FUT6: variants seen among roughly 807,000 people sequenced by gnomAD.
FUT6 encodes the protein fucosyltransferase 6.
For missense variants in FUT6, 454 were observed against 494.6 expected, an observed-to-expected ratio of 0.92 and a Z score of 0.78; for synonymous variants, 187 against 209.9, an observed-to-expected ratio of 0.89 and a Z score of 0.94.
In FUT6 at chr19:5,831,409, C is replaced by T. The variant is rs760861492; in HGVS notation, c.*79G>A. The T allele has an allele frequency of 4.1e-5, 66 of 1,612,884 alleles. No individual in the cohort carries two copies. Among genetic ancestry groups the T allele is most frequent in the Non-Finnish European group, 5.2e-5 (61 of 1,179,972 alleles). ...AGGTGAAGCTTCAGGCAAACGAGTC[C>T]TTAGGTAGATGAGGCCCCCACTCAG... On this transcript the variant is annotated 3_prime_UTR_variant, in exon 3 of 3. Coordinates refer to ENST00000318336, the MANE Select transcript of FUT6 (RefSeq NM_000150.4). The surrounding 1 kb of genome is among the most constrained non-coding windows in gnomAD (Gnocchi z 7.0).
At position 5,832,067 on chromosome 19, in the gene FUT6, G is replaced by A. The variant is rs762903807; in HGVS notation, c.501C>T (p.Pro167=). The change falls in exon 3 of 3, where the codon CCC becomes CCT. Residue 167 remains proline (P), a synonymous_variant. Coordinates refer to ENST00000318336, the MANE Select transcript of FUT6 (RefSeq NM_000150.4). The surrounding 1 kb of genome is among the most constrained non-coding windows in gnomAD (Gnocchi z 4.3). ...SYRSDSDIFT[P]YGWLEPWSGQ... is the part of the protein sequence containing the mutation. ...CGGACCACGGCTCCAGCCAGCCGTAGGGCGTGAAGATGTCGGAGTCGCTGC... is the reference window on the plus strand; with the variant it reads ...CGGACCACGGCTCCAGCCAGCCGTAAGGCGTGAAGATGTCGGAGTCGCTGC... 6.2e-7 allele frequency: 1 copy of A among 1,610,882 alleles called. No homozygotes were observed. Among genetic ancestry groups the A allele is most frequent in the Non-Finnish European group, 8.5e-7 (1 of 1,180,026 alleles).
At chr19:5,835,782 C>G (rs2057171081) in intron 1 of FUT6, among the ~76,000 whole-genome samples, 1 of 152,082 alleles carries the variant, frequency 6.6e-6, no homozygotes, top group Admixed American at 6.6e-5. Context: ...TCAACAAAAA[C>G]AAAGCAACTT....
intron 1 of FUT6, among the ~76,000 whole-genome samples, chr19:5,837,723 G>T (rs1364127978): frequency 2.6e-5 from 4 of 152,056 alleles, no homozygotes; most frequent in Admixed American, 2.6e-4. Flanking sequence ...CCAAGGTCGC[G>T]CCACTGCACT....
Position 5,831,374 on chromosome 19 carries a change from G to A in FUT6, c.*114C>T, listed in dbSNP as rs1309445463. On this transcript the variant is annotated 3_prime_UTR_variant, in exon 3 of 3. Transcript: ENST00000318336. This position sits in a 1 kb window ranked among gnomAD's most constrained non-coding sequence, Gnocchi z 7.0. The stretch of plus-strand genomic sequence containing the variant: ...ACAGGTGACCGTCCCAGGCAGGTGA[G>A]TCCTCAGGCAGGTGAAGCTTCAGGC... The A allele has an allele frequency of 6.2e-7, 1 of 1,610,314 alleles. No individual in the cohort carries two copies. The highest frequency in any genetic ancestry group is 8.5e-7 in the Non-Finnish European group (1 of 1,179,498).
rs755869327 is a variant in FUT6, at chr19:5,832,513, T to TGGTCAGACAGCAGCGC, written c.39_54dup (p.Thr19AlafsTer33). ...GCCATCAGCAGCTGAAACAGCAGCG[T>TGGTCAGACAGCAGCGC]GGTCAGACAGCAGCGCCACGACCAC... On this transcript the variant is annotated frameshift_variant, in exon 3 of 3. Transcript: ENST00000318336. LOFTEE classifies it low-confidence loss of function (END_TRUNC). This position sits in a 1 kb window ranked among gnomAD's most constrained non-coding sequence, Gnocchi z 4.3. The TGGTCAGACAGCAGCGC allele has an allele frequency of 3.7e-6, 6 of 1,613,626 alleles. No individual in the cohort carries two copies. The highest frequency in any genetic ancestry group is 1.6e-4 in the Middle Eastern group (1 of 6,062).
At chr19:5,837,321 A>T (rs1041955261) in intron 1 of FUT6, among the ~76,000 whole-genome samples, 8 of 151,688 alleles carry the variant, frequency 5.3e-5, no homozygotes, top group African/African-American at 9.7e-5. Context: ...TACAGGCATG[A>T]GTCACCACGC....
Position 5,832,286 on chromosome 19 carries a change from G to A in FUT6, c.282C>T (p.Ala94=), listed in dbSNP as rs774817446. The change falls in exon 3 of 3, where the codon GCC becomes GCT. Residue 94 remains alanine (A), a synonymous_variant. Coordinates refer to ENST00000318336, the MANE Select transcript of FUT6 (RefSeq NM_000150.4). The surrounding 1 kb of genome is among the most constrained non-coding windows in gnomAD (Gnocchi z 4.3). ...VPGTADCNIT[A]DRKVYPQADA... The stretch of plus-strand genomic sequence containing the variant: ...CTGCCTGTGGATACACCTTGCGGTC[G>A]GCAGTGATGTTGCAGTCAGCCGTGC... 6.8e-6 allele frequency: 11 copies of A among 1,614,026 alleles called. No individual in the cohort carries two copies. The highest frequency in any genetic ancestry group is 5.0e-5 in the Admixed American group (3 of 60,010).
rs2057217145 is a variant in FUT6, at chr19:5,838,848, A to AGGGCATCCTGTCCTGGAGCCC, written c.-333_-313dup. ...CACCACACCTGTCATCAGGTGACCC[A>AGGGCATCCTGTCCTGGAGCCC]GGGCATCCTGTCCTGGAGCCCGGAC... is the stretch of plus-strand genomic sequence containing the variant. On this transcript the variant is annotated 5_prime_UTR_variant, in exon 1 of 3. It adds an upstream start codon to the 5' untranslated region. Transcript: ENST00000318336. 6.6e-6 allele frequency: 1 copy of AGGGCATCCTGTCCTGGAGCCC among 152,228 alleles called. No homozygotes were observed. The highest frequency in any genetic ancestry group is 1.5e-5 in the Non-Finnish European group (1 of 68,076). The allele number at this position is 152,228 out of a possible 1,614,324, so 9.4% of individuals were successfully genotyped here. A position where few individuals can be genotyped will look rare whatever the true frequency, so the allele number is the denominator to read the frequency against.
In FUT6 at chr19:5,832,036, G is replaced by A. The variant is rs756394387; in HGVS notation, c.532C>T (p.Pro178Ser). Reference protein sequence around the residue: ...YGWLEPWSGQPAHPPLNLSAK... With the variant: ...YGWLEPWSGQSAHPPLNLSAK... ...GAGAGGTTGAGCGGTGGGTGGGCAG[G>A]CTGGCCGGACCACGGCTCCAGCCAG... The change falls in exon 3 of 3, where the codon CCT (proline) becomes TCT (serine). Residue 178 changes from proline to serine, a missense_variant. Pro to Ser is a moderately conservative substitution (Grantham distance 74). Transcript: ENST00000318336. The surrounding 1 kb of genome is among the most constrained non-coding windows in gnomAD (Gnocchi z 4.3). 6.2e-7 allele frequency: 1 copy of A among 1,613,654 alleles called. No homozygotes were observed. The highest frequency in any genetic ancestry group is 1.1e-5 in the South Asian group (1 of 91,086).
Position 5,831,618 on chromosome 19 carries a change from C to T in FUT6, c.950G>A (p.Ser317Asn). The change falls in exon 3 of 3, where the codon AGC becomes AAC. Residue 317 changes from serine to asparagine, a missense_variant. Ser to Asn is a conservative substitution (Grantham distance 46, BLOSUM62 1). Coordinates refer to ENST00000318336, the MANE Select transcript of FUT6 (RefSeq NM_000150.4). This position sits in a 1 kb window ranked among gnomAD's most constrained non-coding sequence, Gnocchi z 7.0. ...CAGCGTCTCCCGCCAGCGAAAGTAG[C>T]TCAGGTAGCGGGCGTGGTCCTTGTC... is the stretch of plus-strand genomic sequence containing the variant. ...ELDKDHARYL[S>N]YFRWRETLRP... The T allele has an allele frequency of 6.2e-7, 1 of 1,613,916 alleles. No homozygotes were observed. Among genetic ancestry groups the T allele is most frequent in the African/African-American group, 1.3e-5 (1 of 75,038 alleles).
In FUT6 at chr19:5,831,570, G is replaced by A. The variant is rs774495763; in HGVS notation, c.998C>T (p.Ala333Val). 22 of 1,614,038 alleles carry A rather than the reference G, an allele frequency of 1.4e-5. No individual in the cohort carries two copies. Among genetic ancestry groups the A allele is most frequent in the Admixed American group, 3.3e-5 (2 of 60,012 alleles). The part of the protein sequence containing the change: ...ETLRPRSFSW[A>V]LAFCKACWKL... The stretch of plus-strand genomic sequence containing the variant: ...CCAGCAGGCCTTGCAGAAAGCGAGT[G>A]CCCAGCTGAAGGAGCGAGGCCGCAG... The change falls in exon 3 of 3, where the codon GCA (alanine) becomes GTA (valine). Residue 333 changes from alanine (A) to valine (V), a missense_variant. Physicochemically the swap from Ala to Val is moderately conservative, Grantham distance 64. Coordinates refer to ENST00000318336, the MANE Select transcript of FUT6 (RefSeq NM_000150.4). This position sits in a 1 kb window ranked among gnomAD's most constrained non-coding sequence, Gnocchi z 7.0.
Position 5,831,610 on chromosome 19 carries a change from G to A in FUT6, c.958C>T (p.Arg320Cys), listed in dbSNP as rs267605640. 3.4e-5 allele frequency: 55 copies of A among 1,614,022 alleles called. No homozygotes were observed. Among genetic ancestry groups the A allele is most frequent in the Middle Eastern group, 1.7e-4 (1 of 5,988 alleles). Residue 320 changes from arginine (R) to cysteine (C), a missense_variant, in exon 3 of 3, where the codon CGC becomes TGC. Arg to Cys is a radical substitution (Grantham distance 180). Transcript: ENST00000318336. This position sits in a 1 kb window ranked among gnomAD's most constrained non-coding sequence, Gnocchi z 7.0. ...KDHARYLSYFRWRETLRPRSF... is the reference protein window; with the variant it reads ...KDHARYLSYFCWRETLRPRSF... The stretch of plus-strand genomic sequence containing the variant: ...CGAGGCCGCAGCGTCTCCCGCCAGC[G>A]AAAGTAGCTCAGGTAGCGGGCGTGG...
intron 1 of FUT6, chr19:5,838,330 G>A (rs1304370586): frequency 2.0e-5 from 3 of 152,216 alleles, no homozygotes; most frequent in African/African-American, 7.2e-5. Flanking sequence ...AAGGGGTGTA[G>A]GCTGCTGATG....
rs1262593867 is a variant in FUT6 at position 5,832,388 on chromosome 19, G to A, written c.180C>T (p.Ser60=). Residue 60 remains serine, a synonymous_variant, in exon 3 of 3, where the codon TCC becomes TCT. Transcript: ENST00000318336. This position sits in a 1 kb window ranked among gnomAD's most constrained non-coding sequence, Gnocchi z 4.3. ...FPDSTGTPAH[S]IPLILLWTWP... ...ACGTCCACAGCAGGATCAGGGGGATGGAGTGGGCGGGGGTCCCTGTGCTGT... is the reference window on the plus strand; with the variant it reads ...ACGTCCACAGCAGGATCAGGGGGATAGAGTGGGCGGGGGTCCCTGTGCTGT... 6.2e-7 allele frequency: 1 copy of A among 1,614,108 alleles called. No individual in the cohort carries two copies. Among genetic ancestry groups the A allele is most frequent in the Non-Finnish European group, 8.5e-7 (1 of 1,180,016 alleles).
At chr19:5,834,118 C>T (rs892594992) in intron 2 of FUT6, among the ~76,000 whole-genome samples, 4 of 149,360 alleles carry the variant, frequency 2.7e-5, no homozygotes, top group Non-Finnish European at 5.9e-5. Context: ...GGTGACAGAG[C>T]GAGACCCTGT....
At position 5,832,287 on chromosome 19, in the gene FUT6, G is replaced by A. The variant is rs144743691; in HGVS notation, c.281C>T (p.Ala94Val). ...TGCCTGTGGATACACCTTGCGGTCG[G>A]CAGTGATGTTGCAGTCAGCCGTGCC... ...VPGTADCNIT[A>V]DRKVYPQADA... is the part of the protein sequence containing the mutation. Residue 94 changes from alanine (A) to valine (V), a missense_variant, in exon 3 of 3, where the codon GCC becomes GTC. Coordinates refer to ENST00000318336, the MANE Select transcript of FUT6 (RefSeq NM_000150.4). This position sits in a 1 kb window ranked among gnomAD's most constrained non-coding sequence, Gnocchi z 4.3. 6.2e-7 allele frequency: 1 copy of A among 1,613,894 alleles called. No homozygotes were observed. The highest frequency in any genetic ancestry group is 1.3e-5 in the African/African-American group (1 of 74,870).
chr19:5,831,627 C>T lies in FUT6; in HGVS notation c.941G>A (p.Arg314His), dbSNP rs548742760. The change falls in exon 3 of 3, where the codon CGC (arginine) becomes CAC (histidine). Residue 314 changes from arginine (R) to histidine (H), a missense_variant. Coordinates refer to ENST00000318336, the MANE Select transcript of FUT6 (RefSeq NM_000150.4). The surrounding 1 kb of genome is among the most constrained non-coding windows in gnomAD (Gnocchi z 7.0). ...CCGCCAGCGAAAGTAGCTCAGGTAG[C>T]GGGCGTGGTCCTTGTCCAGCTCCTG... ...YLQELDKDHA[R>H]YLSYFRWRET... The T allele has an allele frequency of 2.3e-5, 37 of 1,613,620 alleles. 1 individual carries two copies. In the South Asian group the frequency reaches 3.0e-4, roughly 13 times the overall value.
chr19:5,836,849 T>C (rs909345872), intron 1 of FUT6, among the ~76,000 whole-genome samples: 1 of 72,294 alleles, frequency 1.4e-5, no homozygotes, highest in African/African-American at 5.2e-5. Flanking sequence ...TGTCTCAAAA[T>C]AAATAAATAA....
rs746177959 is a variant in FUT6, at chr19:5,832,454, T to A, written c.114A>T (p.Gln38His). The change falls in exon 3 of 3, where the codon CAA becomes CAT. Residue 38 changes from glutamine (Q) to histidine (H), a missense_variant. Coordinates refer to ENST00000318336, the MANE Select transcript of FUT6 (RefSeq NM_000150.4). This position sits in a 1 kb window ranked among gnomAD's most constrained non-coding sequence, Gnocchi z 4.3. ...CATTAGGGTACACAGTGGGATCGTC[T>A]TGAGACACACGCAGATAGGAGAAGA... ...VCFFSYLRVS[Q>H]DDPTVYPNGS... is the part of the protein sequence containing the mutation. 6.2e-6 allele frequency: 10 copies of A among 1,613,770 alleles called. No individual in the cohort carries two copies. In the Admixed American group the frequency reaches 1.5e-4, roughly 24 times the overall value.
Sources: gnomAD v4.1 joint callset for allele counts (sites outside exome capture counted in the v4.1 genomes callset) on GRCh38, gnomAD v4.1.1 for gene constraint, Gnocchi (gnomAD v3.1) non-coding constraint, MANE v1.5 for transcripts, NCBI Gene and HGNC (gene_info 2026-07-23, HGNC 2026-07-21) for gene names.